The following MMD variants were observed in gnomAD, a reference collection of about 807,000 sequenced individuals.
MMD encodes monocyte to macrophage differentiation associated.
MMD carries 22 observed loss-of-function variants against 33.6 expected under a neutral mutation model. The ratio of observed to expected loss-of-function variants is 0.66; its 90% confidence interval spans 0.47 to 0.94. MMD has a LOEUF of 0.94. Among genes scored for constraint, MMD ranks in the 40% least tolerant of loss-of-function variants. The pLI is 0.00. For synonymous variants in MMD, 97 were observed against 103.2 expected (o/e 0.94, Z 0.36); for missense variants, 242 against 309.8 (o/e 0.78, Z 1.64).
intron 6 of MMD, among the ~76,000 whole-genome samples, chr17:55,399,726 T>G (rs1256695356): frequency 6.6e-6 from 1 of 152,188 alleles, no homozygotes; most frequent in Non-Finnish European, 1.5e-5. Flanking sequence ...TTTATCAAAT[T>G]TCATGATCTC....
intron 3 of MMD, among the ~76,000 whole-genome samples, chr17:55,408,546 A>C (rs2143143030): frequency 6.6e-6 from 1 of 152,318 alleles, no homozygotes; most frequent in East Asian, 1.9e-4. Context: ...TTACTGAGGT[A>C]ATTTAAAAGT....
At chr17:55,418,099 T>A (rs1908040644) in intron 1 of MMD, among the ~76,000 whole-genome samples, 2 of 152,228 alleles carry the variant, frequency 1.3e-5, no homozygotes, top group African/African-American at 4.8e-5. Context: ...AATGCTCAGC[T>A]CTCTTCTCAT....
intron 1 of MMD, among the ~76,000 whole-genome samples, chr17:55,418,562 T>C (rs529897945): frequency 4.6e-5 from 7 of 152,336 alleles, no homozygotes; most frequent in Admixed American, 3.3e-4. Flanking sequence ...CAAGGGCCCC[T>C]TCAACATCAT....
rs555749473 is a variant in MMD at position 55,420,893 on chromosome 17, C to T, written c.26+777G>A. On this transcript the variant is annotated intron_variant, in intron 1 of 6. Transcript: ENST00000262065. The stretch of plus-strand genomic sequence containing the variant: ...AGGGGAGTAAGGCCACGGCGCCCCC[C>T]AGCCCGGCATTTCCACCAGCTCTAC... 7.2e-5 allele frequency among the ~76,000 whole-genome samples: 11 copies of T among 152,344 alleles called. No homozygotes were observed. In the East Asian group the frequency reaches 1.9e-3, roughly 27 times the overall value.
chr17:55,403,563 A>G lies in MMD; in HGVS notation c.446+204T>C, dbSNP rs184604852. ...ATGTCCCCTCAACTACATTATACCAAACCTGTACCACTCTTGTTTTTCCAC... is the reference window on the plus strand; with the variant it reads ...ATGTCCCCTCAACTACATTATACCAGACCTGTACCACTCTTGTTTTTCCAC... On this transcript the variant is annotated intron_variant, in intron 5 of 6. Coordinates refer to ENST00000262065, the MANE Select transcript of MMD (RefSeq NM_012329.3). Among the ~76,000 whole-genome samples the G allele has an allele frequency of 2.7e-3, 417 of 152,314 alleles. 1 individual carries two copies. Among genetic ancestry groups the G allele is most frequent in the Non-Finnish European group, 4.9e-3 (330 of 68,028 alleles).
chr17:55,404,502 C>T (rs1907467948), intron 4 of MMD: 2 of 985,346 alleles, frequency 2.0e-6, no homozygotes, highest in African/African-American at 3.5e-5. Context: ...TAATTTCTGA[C>T]CATGTATTTG....
At chr17:55,412,473 T>C (rs561955355) in intron 2 of MMD, among the ~76,000 whole-genome samples, 1 of 152,332 alleles carries the variant, frequency 6.6e-6, no homozygotes, top group African/African-American at 2.4e-5. Flanking sequence ...TAATGTCTAG[T>C]CATATGTGTA....
At chr17:55,394,654 A>G in intron 6 of MMD, 120 bp from the exon 7 acceptor site, 1 of 844,044 alleles carries the variant, frequency 1.2e-6, no homozygotes, top group Non-Finnish European at 1.6e-6. Context: ...CTGTGTGAAC[A>G]CAATCCTGAT....
intron 6 of MMD, among the ~76,000 whole-genome samples, chr17:55,400,144 ATATTTTGT>A: frequency 6.6e-6 from 1 of 152,316 alleles, no homozygotes; most frequent in East Asian, 1.9e-4. Flanking sequence ...TCAAAGAAAT[ATATTTTGT>A]TATATTCTCA....
chr17:55,417,072 C>A (rs899814767), intron 1 of MMD, among the ~76,000 whole-genome samples: 5 of 152,162 alleles, frequency 3.3e-5, no homozygotes, highest in African/African-American at 1.2e-4. Context: ...CCTGGGAACA[C>A]TCCTTAGCAC....
intron 3 of MMD, among the ~76,000 whole-genome samples, chr17:55,409,646 G>C (rs1907686601): frequency 6.6e-6 from 1 of 151,268 alleles, no homozygotes; most frequent in African/African-American, 2.4e-5. Context: ...TTGATATTTA[G>C]AAATTTTAAT....
Position 55,393,015 on chromosome 17 carries a change from G to A in MMD, c.*1319C>T, listed in dbSNP as rs543268711. The A allele has an allele frequency of 6.6e-6, 1 of 151,948 alleles. No homozygotes were observed. Among genetic ancestry groups the A allele is most frequent in the Non-Finnish European group, 1.5e-5 (1 of 67,992 alleles). The allele number at this position is 151,948 out of a possible 1,614,324, so 9.4% of individuals were successfully genotyped here. A position where few individuals can be genotyped will look rare whatever the true frequency, so the allele number is the denominator to read the frequency against. ...GATCATTTGATCAGCCCATTACTAG[G>A]AAACAGGCAATATCAGCACCCGATC... On this transcript the variant is annotated 3_prime_UTR_variant, in exon 7 of 7. Coordinates refer to ENST00000262065, the MANE Select transcript of MMD (RefSeq NM_012329.3).
chr17:55,404,498 C>T, intron 4 of MMD: 1 of 985,400 alleles, frequency 1.0e-6, no homozygotes, highest in South Asian at 4.7e-5. Context: ...CCTTTAATTT[C>T]TGACCATGTA....
intron 4 of MMD, among the ~76,000 whole-genome samples, chr17:55,406,103 TTCAAAAACAGGCTGGGTGCGGTGGC>T (rs72285411): frequency 0.047 from 7,165 of 152,184 alleles, 563 homozygotes; most frequent in African/African-American, 0.16. Context: ...TGGCTTAAGT[TTCAAAAACAGGCTGGGTGCGGTGGC>T]TCACGCCTGT....
chr17:55,416,487 T>C (rs1352544271), intron 1 of MMD, among the ~76,000 whole-genome samples: 1 of 152,132 alleles, frequency 6.6e-6, no homozygotes, highest in Non-Finnish European at 1.5e-5. Context: ...TAGGGAAAGA[T>C]AAGGGTAACT....
In MMD at chr17:55,394,146, C is replaced by T. The variant is rs117694510; in HGVS notation, c.*188G>A. On this transcript the variant is annotated 3_prime_UTR_variant, in exon 7 of 7. Transcript: ENST00000262065. The stretch of plus-strand genomic sequence containing the variant: ...AATGGAATGAATAATTAATTCACTA[C>T]CTTATTTATTTGCTGTGAGGCAGAA... 0.012 allele frequency: 4,795 copies of T among 415,524 alleles called. 40 individuals carry two copies. The highest frequency in any genetic ancestry group is 0.016 in the Non-Finnish European group (3,861 of 240,952). 25.7% of individuals were successfully genotyped at this position (415,524 alleles called of 1,614,324 possible).
rs184455065 is a variant in MMD at position 55,410,450 on chromosome 17, G to C, written c.269+807C>G. ...AAGAAGTTTTGCCCTTTAGGGTTGT[G>C]CAGAATCCATTTCACAAGCAAACCA... is the stretch of plus-strand genomic sequence containing the variant. On this transcript the variant is annotated intron_variant, in intron 3 of 6. Coordinates refer to ENST00000262065, the MANE Select transcript of MMD (RefSeq NM_012329.3). Among the ~76,000 whole-genome samples, 17 of 152,272 alleles carry C rather than the reference G, an allele frequency of 1.1e-4. No individual in the cohort carries two copies. The East Asian group carries it at 3.3e-3, about 29-fold the overall frequency.
chr17:55,396,868 G>A (rs547357173), intron 6 of MMD, among the ~76,000 whole-genome samples: 3 of 151,968 alleles, frequency 2.0e-5, no homozygotes, highest in Non-Finnish European at 4.4e-5. Flanking sequence ...ACCCACCTCG[G>A]CCTCCCAAAG....
At chr17:55,397,767 C>A (rs1907161687) in intron 6 of MMD, among the ~76,000 whole-genome samples, 1 of 152,092 alleles carries the variant, frequency 6.6e-6, no homozygotes. Flanking sequence ...GTCTTGAACT[C>A]CTGACTTCAC....
Sources: gnomAD v4.1 joint callset for allele counts (sites outside exome capture counted in the v4.1 genomes callset) on GRCh38, gnomAD v4.1.1 for gene constraint, MANE v1.5 for transcripts, NCBI Gene and HGNC (gene_info 2026-07-23, HGNC 2026-07-21) for gene names.